AHCYL2: variants seen among roughly 807,000 people sequenced by gnomAD.
AHCYL2 encodes adenosylhomocysteinase like 2, also known as S-adenosylhomocysteine hydrolase-like protein 2.
Under a neutral mutation model 81.4 loss-of-function variants are expected in AHCYL2, and 28 were observed. That is an observed-to-expected ratio of 0.34 (90% CI 0.25 to 0.47). The LOEUF (loss-of-function observed/expected upper bound fraction) is 0.47, where lower values mean the gene tolerates loss of function less well. Ranked by LOEUF, AHCYL2 falls within the 20% of genes least tolerant of loss-of-function variation. The probability of loss-of-function intolerance (pLI) is 1.00; values close to 1 mark genes in which losing one functional copy is unlikely to be tolerated. For missense variants in AHCYL2, 551 were observed against 785.1 expected (o/e 0.70, Z 3.56); for synonymous variants, 272 against 290.2 (o/e 0.94, Z 0.64).
chr7:129,429,809 C>T lies in AHCYL2; in HGVS notation c.*2764C>T, dbSNP rs1206602936. ...GAGCACGGCTCCCCATGGCCACATA[C>T]TCCTGCAAAGCTTTTATGCTGCTTC... On this transcript the variant is annotated 3_prime_UTR_variant, in exon 17 of 17. Transcript: ENST00000325006. The T allele has an allele frequency of 6.6e-6, 1 of 152,636 alleles. No individual in the cohort carries two copies. Among genetic ancestry groups the T allele is most frequent in the Non-Finnish European group, 1.5e-5 (1 of 68,048 alleles). The allele number at this position is 152,636 out of a possible 1,614,324, so 9.5% of individuals were successfully genotyped here.
At chr7:129,230,739 A>T (rs111956949) in intron 1 of AHCYL2, among the ~76,000 whole-genome samples, 1 of 149,286 alleles carries the variant, frequency 6.7e-6, no homozygotes, top group Non-Finnish European at 1.5e-5. Flanking sequence ...CGCCTGGCTA[A>T]TTTTTGTATT....
chr7:129,231,603 T>C (rs896523780), intron 1 of AHCYL2, among the ~76,000 whole-genome samples: 4 of 152,180 alleles, frequency 2.6e-5, no homozygotes, highest in South Asian at 2.1e-4. Flanking sequence ...TCCACTGCCC[T>C]GCTGTCATGT....
chr7:129,337,236 A>G (rs889921601), intron 1 of AHCYL2, among the ~76,000 whole-genome samples: 8 of 152,082 alleles, frequency 5.3e-5, no homozygotes, highest in Non-Finnish European at 1.2e-4. Flanking sequence ...TTCTATGCAT[A>G]TACAAACTTA....
chr7:129,308,120 C>A (rs957530890), intron 1 of AHCYL2, among the ~76,000 whole-genome samples: 4 of 152,024 alleles, frequency 2.6e-5, no homozygotes, highest in Non-Finnish European at 5.9e-5. Flanking sequence ...AGTTATGTGC[C>A]CCTCAAGTCC....
At chr7:129,257,689 T>G (rs1444936487) in intron 1 of AHCYL2, among the ~76,000 whole-genome samples, 3 of 152,180 alleles carry the variant, frequency 2.0e-5, no homozygotes, top group African/African-American at 7.2e-5. Context: ...TTCATTTCAG[T>G]GTATTTGTTC....
intron 4 of AHCYL2, among the ~76,000 whole-genome samples, chr7:129,394,867 C>A (rs1317134055): frequency 6.6e-6 from 1 of 152,142 alleles, no homozygotes; most frequent in Non-Finnish European, 1.5e-5. Context: ...GGCAATATAG[C>A]AAGATCCTGT....
chr7:129,330,627 C>A (rs559232263), intron 1 of AHCYL2, among the ~76,000 whole-genome samples: 1 of 152,104 alleles, frequency 6.6e-6, no homozygotes, highest in African/African-American at 2.4e-5. Flanking sequence ...CCCACCACCA[C>A]GCCCGGCTAA....
At chr7:129,372,391 A>G (rs1794451954) in intron 1 of AHCYL2, among the ~76,000 whole-genome samples, 1 of 152,176 alleles carries the variant, frequency 6.6e-6, no homozygotes, top group Non-Finnish European at 1.5e-5. Flanking sequence ...GGATAAATAG[A>G]TCTTCTGTCC....
chr7:129,296,554 A>T (rs1389537582), intron 1 of AHCYL2, among the ~76,000 whole-genome samples: 1 of 152,136 alleles, frequency 6.6e-6, no homozygotes, highest in South Asian at 2.1e-4. Context: ...ACTTAAAAAA[A>T]TTAAAAAATT....
chr7:129,276,919 A>G (rs1326989025), intron 1 of AHCYL2, among the ~76,000 whole-genome samples: 1 of 152,180 alleles, frequency 6.6e-6, no homozygotes, highest in African/African-American at 2.4e-5. Flanking sequence ...TACAGCATAG[A>G]TTATGAAATA....
At chr7:129,413,815 T>G (rs749995076) in intron 12 of AHCYL2, 127 bp downstream of exon 12, 4 of 734,522 alleles carry the variant, frequency 5.4e-6, no homozygotes, top group African/African-American at 1.8e-5. Context: ...TCCACATCTT[T>G]TCACTTACTA....
chr7:129,235,713 A>T (rs1056876152), intron 1 of AHCYL2, among the ~76,000 whole-genome samples: 9 of 152,234 alleles, frequency 5.9e-5, no homozygotes, highest in Admixed American at 2.6e-4. Context: ...TTGTACATAA[A>T]TAAAAGCATA....
intron 1 of AHCYL2, among the ~76,000 whole-genome samples, chr7:129,238,762 C>T (rs1209500208): frequency 6.6e-6 from 1 of 152,092 alleles, no homozygotes; most frequent in African/African-American, 2.4e-5. Context: ...ACTAGCTTGA[C>T]CAACACAGTG....
At chr7:129,415,924 A>G (rs562234538) in intron 12 of AHCYL2, among the ~76,000 whole-genome samples, 1 of 152,292 alleles carries the variant, frequency 6.6e-6, no homozygotes, top group Non-Finnish European at 1.5e-5. Context: ...CTGTAATCCC[A>G]GCTACTCCAG....
At chr7:129,296,296 C>T (rs1386559047) in intron 1 of AHCYL2, among the ~76,000 whole-genome samples, 3 of 152,170 alleles carry the variant, frequency 2.0e-5, no homozygotes, top group East Asian at 1.9e-4. Flanking sequence ...CTCTGTACAC[C>T]TTAATATTCC....
chr7:129,252,094 A>G (rs1795267156), intron 1 of AHCYL2, among the ~76,000 whole-genome samples: 1 of 152,184 alleles, frequency 6.6e-6, no homozygotes, highest in Admixed American at 6.5e-5. Context: ...GTCATGAACC[A>G]TTGATTTCTA....
chr7:129,277,214 A>G (rs1386657410), intron 1 of AHCYL2, among the ~76,000 whole-genome samples: 1 of 152,224 alleles, frequency 6.6e-6, no homozygotes, highest in African/African-American at 2.4e-5. Flanking sequence ...ACACATGTCT[A>G]AAACCATGAA....
rs565300256 is a variant in AHCYL2, at chr7:129,235,250, T to G, written c.363+9811T>G. On this transcript the variant is annotated intron_variant, in intron 1 of 16. Transcript: ENST00000325006. ...TATTTCTCTAGCTGCTCCTTCTCATTCTTCTTCTTTTTTTTTTTTTGAGGC... is the reference window on the plus strand; with the variant it reads ...TATTTCTCTAGCTGCTCCTTCTCATGCTTCTTCTTTTTTTTTTTTTGAGGC... 3.9e-5 allele frequency among the ~76,000 whole-genome samples: 6 copies of G among 151,960 alleles called. No homozygotes were observed. In the South Asian group the frequency reaches 1.2e-3, roughly 32 times the overall value.
chr7:129,416,052 G>C (rs1796831845), intron 12 of AHCYL2, among the ~76,000 whole-genome samples: 1 of 151,772 alleles, frequency 6.6e-6, no homozygotes, highest in Non-Finnish European at 1.5e-5. Flanking sequence ...AAAGAAAAAA[G>C]AAACCAGTGC....
Sources: gnomAD v4.1 joint callset for allele counts (sites outside exome capture counted in the v4.1 genomes callset) on GRCh38, gnomAD v4.1.1 for gene constraint, MANE v1.5 for transcripts, NCBI Gene and HGNC (gene_info 2026-07-23, HGNC 2026-07-21) for gene names.